SUPT3H: variants seen among roughly 807,000 people sequenced by gnomAD.
The protein encoded by SUPT3H is SPT3 homolog, SAGA and STAGA complex component, also known as transcription initiation protein SPT3 homolog.
A neutral mutation model predicts 44.3 loss-of-function variants in SUPT3H; 44 were observed. The observed-to-expected ratio is 0.99, with a 90% CI of 0.78 to 1.28. SUPT3H has a LOEUF of 1.28. Among genes scored for constraint, SUPT3H ranks in the 50% most tolerant of loss-of-function variants. The pLI is 0.00. For missense variants in SUPT3H, 380 were observed against 387.1 expected (o/e 0.98, Z 0.15); for synonymous variants, 124 against 125.6 (o/e 0.99, Z 0.09).
intron 2 of SUPT3H, among the ~76,000 whole-genome samples, chr6:45,256,411 G>T (rs1773415981): frequency 6.6e-6 from 1 of 152,106 alleles, no homozygotes; most frequent in East Asian, 1.9e-4. Flanking sequence ...AAGGGGTAAA[G>T]GCTCCCTCAA....
At position 45,026,985 on chromosome 6, in the gene SUPT3H, C is replaced by CTT. The variant is rs34588777; in HGVS notation, c.187-6355_187-6354dup. On this transcript the variant is annotated intron_variant, in intron 3 of 10. Transcript: ENST00000371459. ...CCCTTCTACTCTTCTGCTTTGGATC[C>CTT]TTTTTTTTTTTTTTTTTTTTTTGAG... Among the ~76,000 whole-genome samples, 398 of 87,466 alleles carry CTT rather than the reference C, an allele frequency of 4.6e-3. 1 individual carries two copies. The highest frequency in any genetic ancestry group is 9.5e-3 in the East Asian group (23 of 2,416). 57.4% of individuals were successfully genotyped at this position (87,466 alleles called of 152,430 possible). A position where few individuals can be genotyped will look rare whatever the true frequency, so the allele number is the denominator to read the frequency against.
chr6:45,141,026 T>A (rs778275146), intron 2 of SUPT3H, among the ~76,000 whole-genome samples: 1 of 152,062 alleles, frequency 6.6e-6, no homozygotes, highest in Non-Finnish European at 1.5e-5. Flanking sequence ...CAAGAAGAAA[T>A]CTCTGCATTG....
chr6:44,815,492 GTATAA>G (rs768050036), intron 11 of SUPT3H, among the ~76,000 whole-genome samples: 2 of 152,110 alleles, frequency 1.3e-5, no homozygotes, highest in Non-Finnish European at 2.9e-5. Flanking sequence ...GAAAAAATAT[GTATAA>G]TATAAGTACT....
intron 6 of SUPT3H, among the ~76,000 whole-genome samples, chr6:44,984,313 C>A (rs1227624187): frequency 6.6e-6 from 1 of 152,070 alleles, no homozygotes; most frequent in Non-Finnish European, 1.5e-5. Context: ...TGGCATGTAA[C>A]CCTCTAAGTA....
chr6:45,163,658 C>T (rs997077584), intron 2 of SUPT3H, among the ~76,000 whole-genome samples: 1 of 152,008 alleles, frequency 6.6e-6, no homozygotes, highest in East Asian at 1.9e-4. Context: ...AACCAAGGAC[C>T]ACTATCTTTT....
At position 44,961,696 on chromosome 6, in the gene SUPT3H, C is replaced by G. The variant is rs1237721853; in HGVS notation, c.580+57G>C. ...AAACAGATCCTGTCATACTTTAGTACATCTATAACACAAATCTCTTATGCA... is the reference window on the plus strand; with the variant it reads ...AAACAGATCCTGTCATACTTTAGTAGATCTATAACACAAATCTCTTATGCA... On this transcript the variant is annotated intron_variant, in intron 7 of 10. Transcript: ENST00000371459. 6.0e-6 allele frequency: 8 copies of G among 1,328,700 alleles called. No individual in the cohort carries two copies. In the African/African-American group the frequency reaches 1.0e-4, roughly 17 times the overall value. The allele number at this position is 1,328,700 out of a possible 1,614,324, so 82.3% of individuals were successfully genotyped here.
At chr6:45,128,196 A>G (rs1802730627) in intron 2 of SUPT3H, among the ~76,000 whole-genome samples, 1 of 152,070 alleles carries the variant, frequency 6.6e-6, no homozygotes, top group African/African-American at 2.4e-5. Context: ...CACAAGCTAA[A>G]GTAAACTGTC....
chr6:45,153,205 C>A (rs1394945269), intron 2 of SUPT3H, among the ~76,000 whole-genome samples: 1 of 152,190 alleles, frequency 6.6e-6, no homozygotes, highest in South Asian at 2.1e-4. Flanking sequence ...CACTATCAGA[C>A]ATAATATCAT....
intron 10 of SUPT3H, among the ~76,000 whole-genome samples, chr6:44,854,504 G>A (rs1773411660): frequency 6.6e-6 from 1 of 152,168 alleles, no homozygotes; most frequent in Non-Finnish European, 1.5e-5. Context: ...GAGCGGGAGA[G>A]CTTAGTGGCA....
At chr6:45,375,168 T>C (rs187550477) in intron 1 of SUPT3H, among the ~76,000 whole-genome samples, 2 of 152,294 alleles carry the variant, frequency 1.3e-5, no homozygotes, top group Non-Finnish European at 2.9e-5. Flanking sequence ...GATCGCACCA[T>C]TGTACTCCAA....
intron 2 of SUPT3H, among the ~76,000 whole-genome samples, chr6:45,338,510 C>A (rs1789089554): frequency 6.6e-6 from 1 of 152,008 alleles, no homozygotes; most frequent in Non-Finnish European, 1.5e-5. Context: ...GCTACAAGAG[C>A]ACTGATTTCA....
intron 3 of SUPT3H, among the ~76,000 whole-genome samples, chr6:45,085,386 C>G (rs753861620): frequency 1.3e-5 from 2 of 152,050 alleles, no homozygotes; most frequent in Non-Finnish European, 2.9e-5. Context: ...ATTTTCAACC[C>G]ATTTAAAGCC....
intron 2 of SUPT3H, among the ~76,000 whole-genome samples, chr6:45,248,775 C>T (rs937530589): frequency 4.6e-5 from 7 of 152,064 alleles, no homozygotes; most frequent in African/African-American, 1.7e-4. Flanking sequence ...ATTAGCTGGG[C>T]ATGGTGGAGC....
chr6:45,315,922 C>CAGATAGATAGATAGAT lies in SUPT3H; in HGVS notation c.101+49263_101+49278dup, dbSNP rs59633405. On this transcript the variant is annotated intron_variant, in intron 2 of 10. Coordinates refer to ENST00000371459, the MANE Select transcript of SUPT3H (RefSeq NM_003599.4). Reference sequence around the variant, plus strand: ...GAGTGGATAAAGAAGCTCAGATAGACAGATAGATAGATAGATAGATAGATA... The same window carrying CAGATAGATAGATAGAT: ...GAGTGGATAAAGAAGCTCAGATAGACAGATAGATAGATAGATAGATAGATAGATAGATAGATAGATA... Among the ~76,000 whole-genome samples the CAGATAGATAGATAGAT allele has an allele frequency of 2.7e-3, 390 of 145,584 alleles. 1 individual carries two copies. Among genetic ancestry groups the CAGATAGATAGATAGAT allele is most frequent in the African/African-American group, 4.8e-3 (187 of 38,824 alleles).
intron 10 of SUPT3H, among the ~76,000 whole-genome samples, chr6:44,850,692 T>C (rs1470105399): frequency 3.3e-5 from 5 of 152,212 alleles, no homozygotes; most frequent in Admixed American, 6.5e-5. Context: ...ATTTTGTTCA[T>C]TGTCAGTCAG....
At chr6:45,179,531 T>C (rs1812706603) in intron 2 of SUPT3H, among the ~76,000 whole-genome samples, 1 of 152,174 alleles carries the variant, frequency 6.6e-6, no homozygotes. Flanking sequence ...TTATCCACCA[T>C]GATCAAGTGG....
intron 2 of SUPT3H, among the ~76,000 whole-genome samples, chr6:45,175,132 A>C (rs1811508226): frequency 6.6e-6 from 1 of 151,934 alleles, no homozygotes. Flanking sequence ...ATATCACTTA[A>C]CATCTAATAA....
At chr6:45,293,071 G>C (rs536705535) in intron 2 of SUPT3H, among the ~76,000 whole-genome samples, 1 of 152,102 alleles carries the variant, frequency 6.6e-6, no homozygotes, top group East Asian at 1.9e-4. Flanking sequence ...CTCCAAGACA[G>C]ACCACACAAT....
chr6:45,065,652 C>A (rs1378720063), intron 3 of SUPT3H, among the ~76,000 whole-genome samples: 1 of 151,032 alleles, frequency 6.6e-6, no homozygotes, highest in Non-Finnish European at 1.5e-5. Context: ...CACAGAAATA[C>A]AAACTACCAT....
Sources: allele counts gnomAD v4.1 joint callset (sites outside exome capture counted in the v4.1 genomes callset), GRCh38; gene constraint gnomAD v4.1.1; transcripts MANE v1.5; gene names NCBI Gene and HGNC (gene_info 2026-07-23, HGNC 2026-07-21).